MYLK4: variants seen among roughly 807,000 people sequenced by gnomAD.
The protein encoded by MYLK4 is myosin light chain kinase family member 4.
A neutral mutation model predicts 48.1 loss-of-function variants in MYLK4; 46 were observed. The observed-to-expected ratio is 0.96, with a 90% CI of 0.75 to 1.22. The LOEUF is 1.22. MYLK4 is among the 50% of genes most tolerant of loss of function. The pLI, the probability that MYLK4 is intolerant of heterozygous loss-of-function variation, is 0.00. For missense variants in MYLK4, 451 were observed against 486.1 expected (o/e 0.93, Z 0.68); for synonymous variants, 170 against 180.8 (o/e 0.94, Z 0.48).
chr6:2,724,434 T>C (rs936534552), intron 2 of MYLK4, among the ~76,000 whole-genome samples: 1 of 152,100 alleles, frequency 6.6e-6, no homozygotes, highest in South Asian at 2.1e-4. Flanking sequence ...GAGAAATCAA[T>C]CACTAACGCA....
At chr6:2,697,692 A>G (rs1002644297) in intron 2 of MYLK4, among the ~76,000 whole-genome samples, 51 of 152,220 alleles carry the variant, frequency 3.4e-4, no homozygotes, top group African/African-American at 9.7e-4. Context: ...GGTAAAACGG[A>G]TTTGTCCTTG....
At chr6:2,755,100 C>T (rs1029913942), upstream of MYLK4, among the ~76,000 whole-genome samples, 41 of 151,592 alleles carry the variant, frequency 2.7e-4, no homozygotes, top group African/African-American at 8.0e-4. Flanking sequence ...CTAAGTATTA[C>T]GAAATACAAA....
chr6:2,665,933 T>G lies in MYLK4; in HGVS notation c.*1992A>C, dbSNP rs963973619. On this transcript the variant is annotated 3_prime_UTR_variant, in exon 13 of 13. Transcript: ENST00000274643. Reference sequence around the variant, plus strand: ...GTTTTGTGTGTGTGTGTGTGTGTGGTGTGTGTGTTTTAAGCAAACTAAATT... The same window carrying G: ...GTTTTGTGTGTGTGTGTGTGTGTGGGGTGTGTGTTTTAAGCAAACTAAATT... 6.6e-6 allele frequency: 1 copy of G among 150,846 alleles called. No homozygotes were observed. The highest frequency in any genetic ancestry group is 2.4e-5 in the African/African-American group (1 of 40,966). The allele number at this position is 150,846 out of a possible 1,614,324, so 9.3% of individuals were successfully genotyped here. A position where few individuals can be genotyped will look rare whatever the true frequency, so the allele number is the denominator to read the frequency against.
intron 2 of MYLK4, among the ~76,000 whole-genome samples, chr6:2,712,594 A>G (rs911800442): frequency 6.6e-6 from 1 of 152,216 alleles, no homozygotes; most frequent in South Asian, 2.1e-4. Context: ...TAGCTTCTAA[A>G]CTTAAGCTAA....
At chr6:2,710,056 T>C (rs1762620093) in intron 2 of MYLK4, among the ~76,000 whole-genome samples, 1 of 152,222 alleles carries the variant, frequency 6.6e-6, no homozygotes, top group Admixed American at 6.5e-5. Flanking sequence ...CCATTTGGAA[T>C]AAAACATAAA....
chr6:2,695,373 A>C (rs80031727), intron 2 of MYLK4, among the ~76,000 whole-genome samples: 11,629 of 152,144 alleles, frequency 0.076, 599 homozygotes, highest in East Asian at 0.16. Flanking sequence ...TGGCTGTAAG[A>C]CTCCATGGAG....
intron 12 of MYLK4, among the ~76,000 whole-genome samples, chr6:2,669,112 G>C (rs1285451274): frequency 6.6e-6 from 1 of 152,070 alleles, no homozygotes; most frequent in African/African-American, 2.4e-5. Flanking sequence ...AAACTAGGAA[G>C]CATCCAGATT....
the MYLK4 span, among the ~76,000 whole-genome samples, chr6:2,762,133 C>T: frequency 6.6e-6 from 1 of 152,178 alleles, no homozygotes; most frequent in Non-Finnish European, 1.5e-5. Flanking sequence ...TGGTCCCCAA[C>T]TCCTGTCCTT....
At chr6:2,687,298 A>G (rs1761596204) in intron 4 of MYLK4, among the ~76,000 whole-genome samples, 1 of 152,228 alleles carries the variant, frequency 6.6e-6, no homozygotes, top group Non-Finnish European at 1.5e-5. Context: ...ATCCACGCAC[A>G]TTTGATCATG....
intron 2 of MYLK4, among the ~76,000 whole-genome samples, chr6:2,719,617 T>G (rs1762996080): frequency 6.6e-6 from 1 of 152,186 alleles, no homozygotes; most frequent in South Asian, 2.1e-4. Context: ...GCATGATATA[T>G]CTCACAGTTT....
chr6:2,697,531 G>A (rs1049373884), intron 2 of MYLK4, among the ~76,000 whole-genome samples: 35 of 152,192 alleles, frequency 2.3e-4, no homozygotes, highest in African/African-American at 7.0e-4. Context: ...GTGCGCTCTC[G>A]CCCTGCGTCA....
At chr6:2,750,065 G>C (rs62389656) in intron 1 of MYLK4, among the ~76,000 whole-genome samples, 1,851 of 152,132 alleles carry the variant, frequency 0.012, 29 homozygotes, top group South Asian at 0.062. Context: ...TTTGATACTA[G>C]AGACATATAC....
At chr6:2,697,059 AAAAATAAAATAAAATGAAAT>A (rs1352587030) in intron 2 of MYLK4, among the ~76,000 whole-genome samples, 1 of 152,254 alleles carries the variant, frequency 6.6e-6, no homozygotes, top group Non-Finnish European at 1.5e-5. Context: ...ACTCCGTCTC[AAAAATAAAATAAAATGAAAT>A]AAAATAAAAT....
intron 2 of MYLK4, among the ~76,000 whole-genome samples, chr6:2,726,216 C>T (rs1763267649): frequency 6.6e-6 from 1 of 152,160 alleles, no homozygotes; most frequent in African/African-American, 2.4e-5. Context: ...CAAAGATTAC[C>T]TTGAGACTCT....
At chr6:2,766,167 G>A in the MYLK4 span, 7 of 1,340,134 alleles carry the variant, frequency 5.2e-6, no homozygotes, top group Non-Finnish European at 6.7e-6. Context: ...GACGCGGACG[G>A]CGAGGACGAC....
chr6:2,680,163 A>G (rs967073431), intron 8 of MYLK4, 58 bp downstream of exon 8: 2 of 1,571,398 alleles, frequency 1.3e-6, no homozygotes, highest in Non-Finnish European at 1.7e-6. Context: ...TTTGCAAAGG[A>G]AGGGCAACCA....
At position 2,710,931 on chromosome 6, in the gene MYLK4, C is replaced by T. The variant is rs987424863; in HGVS notation, c.160-18072G>A. On this transcript the variant is annotated intron_variant, in intron 2 of 12. Coordinates refer to ENST00000274643, the MANE Select transcript of MYLK4 (RefSeq NM_001012418.5). ...TGTCCGAGGTAATAAAATTTGCCAG[C>T]CTTTCTTTTTTCAAATCAGTGGTTT... Among the ~76,000 whole-genome samples the T allele has an allele frequency of 5.9e-5, 9 of 152,268 alleles. No homozygotes were observed. In the East Asian group the frequency reaches 1.7e-3, roughly 29 times the overall value.
chr6:2,734,120 T>C (rs140905415), intron 2 of MYLK4, among the ~76,000 whole-genome samples: 3,408 of 152,274 alleles, frequency 0.022, 54 homozygotes, highest in Non-Finnish European at 0.038. Context: ...TGCAATGGTA[T>C]TCAGCTGCTC....
At chr6:2,761,670 T>C in the MYLK4 span, among the ~76,000 whole-genome samples, 2 of 152,204 alleles carry the variant, frequency 1.3e-5, no homozygotes, top group East Asian at 1.9e-4. Context: ...TGAGAAGTTA[T>C]GTAGCTTGCC....
Sources: allele counts gnomAD v4.1 joint callset (sites outside exome capture counted in the v4.1 genomes callset), GRCh38; gene constraint gnomAD v4.1.1; transcripts MANE v1.5; gene names NCBI Gene and HGNC (gene_info 2026-07-23, HGNC 2026-07-21).